PDK1: variants seen among roughly 807,000 people sequenced by gnomAD.
PDK1 encodes pyruvate dehydrogenase kinase 1, also known as [Pyruvate dehydrogenase (acetyl-transferring)] kinase isozyme 1, mitochondrial.
Under a neutral mutation model 54.2 loss-of-function variants are expected in PDK1, and 39 were observed. The ratio of observed to expected loss-of-function variants is 0.72; its 90% CI spans 0.56 to 0.94. The LOEUF (loss-of-function observed/expected upper bound fraction) is 0.94. PDK1 is among the 40% of genes least tolerant of loss of function. The probability of loss-of-function intolerance (pLI) is 0.00; values close to 1 mark genes in which losing one functional copy is unlikely to be tolerated. For missense variants in PDK1, 552 were observed against 566.0 expected (o/e 0.98, Z 0.25); for synonymous variants, 221 against 207.1 (o/e 1.07, Z -0.58).
chr2:172,684,082 G>C, the PDK1 span, among the ~76,000 whole-genome samples: 1 of 152,318 alleles, frequency 6.6e-6, no homozygotes, highest in East Asian at 1.9e-4. Context: ...ATAGGGAGGA[G>C]AGAAATATAT....
At chr2:172,670,349 T>C in the PDK1 span, among the ~76,000 whole-genome samples, 1 of 152,232 alleles carries the variant, frequency 6.6e-6, no homozygotes, top group Non-Finnish European at 1.5e-5. Flanking sequence ...CCTGCAAAAA[T>C]ATTGACAATT....
chr2:172,672,497 A>G, the PDK1 span, among the ~76,000 whole-genome samples: 6 of 152,242 alleles, frequency 3.9e-5, no homozygotes, highest in East Asian at 1.2e-3. Context: ...AGACCTCCCT[A>G]TCCAAGCACA....
the PDK1 span, among the ~76,000 whole-genome samples, chr2:172,702,784 G>A: frequency 6.2e-3 from 936 of 152,100 alleles, 13 homozygotes; most frequent in African/African-American, 0.021. Context: ...CTCTCACTAG[G>A]ATGGATGGTT....
the PDK1 span, among the ~76,000 whole-genome samples, chr2:172,653,718 G>T: frequency 6.6e-6 from 1 of 152,126 alleles, no homozygotes; most frequent in Admixed American, 6.5e-5. Flanking sequence ...GCATGGGCAA[G>T]GACTTCCTGA....
chr2:172,577,558 T>C (rs1183791115), intron 8 of PDK1, among the ~76,000 whole-genome samples: 2 of 152,170 alleles, frequency 1.3e-5, no homozygotes, highest in Non-Finnish European at 2.9e-5. Context: ...TTTTGTATTA[T>C]ATCATTTTAA....
At chr2:172,619,258 A>C in the PDK1 span, among the ~76,000 whole-genome samples, 1 of 151,792 alleles carries the variant, frequency 6.6e-6, no homozygotes, top group Non-Finnish European at 1.5e-5. Context: ...GCAGGAGAAA[A>C]CCCTCAAGCC....
chr2:172,616,841 G>A, the PDK1 span, among the ~76,000 whole-genome samples: 1 of 152,196 alleles, frequency 6.6e-6, no homozygotes, highest in African/African-American at 2.4e-5. Context: ...TCAGGGTAGT[G>A]TCTTGGAAAG....
the PDK1 span, among the ~76,000 whole-genome samples, chr2:172,622,242 G>GATGTTTATATCTCATATATTATGTGAGAT: frequency 7.7e-4 from 90 of 117,352 alleles, no homozygotes; most frequent in African/African-American, 2.9e-3. Context: ...TATTATGTGA[G>GATGTTTATATCTCATATATTATGTGAGAT]ATGTTTATAT....
At chr2:172,710,613 T>TA in the PDK1 span, among the ~76,000 whole-genome samples, 11 of 152,214 alleles carry the variant, frequency 7.2e-5, no homozygotes, top group Non-Finnish European at 1.6e-4. Context: ...GGTCCTGCAC[T>TA]ACTGGGCAAA....
the PDK1 span, among the ~76,000 whole-genome samples, chr2:172,637,175 A>T: frequency 7.9e-5 from 12 of 152,230 alleles, no homozygotes; most frequent in Non-Finnish European, 1.6e-4. Flanking sequence ...GATAACTTTT[A>T]AAAAATGTTT....
At chr2:172,697,024 AAT>A in the PDK1 span, among the ~76,000 whole-genome samples, 1 of 152,150 alleles carries the variant, frequency 6.6e-6, no homozygotes, top group Non-Finnish European at 1.5e-5. Context: ...CTTACTTATT[AAT>A]ATAAATCCAC....
the PDK1 span, among the ~76,000 whole-genome samples, chr2:172,645,765 G>C: frequency 5.9e-5 from 9 of 152,216 alleles, no homozygotes; most frequent in Non-Finnish European, 1.3e-4. Context: ...CTCCATCTCT[G>C]TTAGACTCTT....
the PDK1 span, among the ~76,000 whole-genome samples, chr2:172,668,285 T>C: frequency 6.6e-6 from 1 of 151,616 alleles, no homozygotes; most frequent in Non-Finnish European, 1.5e-5. Flanking sequence ...TTTATTTTTT[T>C]TTTTTTTTGG....
At chr2:172,693,172 C>T in the PDK1 span, among the ~76,000 whole-genome samples, 2 of 152,248 alleles carry the variant, frequency 1.3e-5, no homozygotes, top group Non-Finnish European at 2.9e-5. Context: ...CCCCATCTGA[C>T]ACATCACTGT....
the PDK1 span, among the ~76,000 whole-genome samples, chr2:172,642,772 TCTC>T: frequency 7.6e-6 from 1 of 131,440 alleles, no homozygotes; most frequent in African/African-American, 2.7e-5. Flanking sequence ...TCGTCTTCCT[TCTC>T]CTCCTCCTCC....
chr2:172,699,127 T>C, the PDK1 span, among the ~76,000 whole-genome samples: 2 of 152,244 alleles, frequency 1.3e-5, no homozygotes, highest in Admixed American at 6.5e-5. Flanking sequence ...TAAAGAATTA[T>C]TATAGCCATA....
At chr2:172,687,575 C>T in the PDK1 span, among the ~76,000 whole-genome samples, 1 of 148,394 alleles carries the variant, frequency 6.7e-6, no homozygotes, top group Non-Finnish European at 1.5e-5. Flanking sequence ...TAAATCCCTA[C>T]CCCCCAACTT....
intron 8 of PDK1, among the ~76,000 whole-genome samples, chr2:172,581,577 C>T (rs1034652965): frequency 5.9e-5 from 9 of 152,206 alleles, no homozygotes; most frequent in African/African-American, 2.2e-4. Context: ...TTAGGCTCTG[C>T]CTTCACCTGT....
At chr2:172,652,592 C>T in the PDK1 span, among the ~76,000 whole-genome samples, 9 of 152,206 alleles carry the variant, frequency 5.9e-5, no homozygotes, top group Non-Finnish European at 8.8e-5. Flanking sequence ...CCCAAAATCT[C>T]CTTAAGCTGA....
Sources: gnomAD v4.1 joint callset for allele counts (sites outside exome capture counted in the v4.1 genomes callset) on GRCh38, gnomAD v4.1.1 for gene constraint, MANE v1.5 for transcripts, NCBI Gene and HGNC (gene_info 2026-07-23, HGNC 2026-07-21) for gene names.